RBFOX1: variants seen among roughly 807,000 people sequenced by gnomAD.
The protein encoded by RBFOX1 is RNA binding protein fox-1 homolog 1.
Under a neutral mutation model 57.7 loss-of-function variants are expected in RBFOX1, and 8 were observed. The ratio of observed to expected loss-of-function variants is 0.14; its 90% CI spans 0.08 to 0.25. RBFOX1 has a LOEUF of 0.25. RBFOX1 is among the 10% of genes least tolerant of loss of function. The probability of loss-of-function intolerance (pLI) is 1.00; values close to 1 mark genes in which losing one functional copy is unlikely to be tolerated. For missense variants in RBFOX1, 611 were observed against 548.5 expected (o/e 1.11, Z -1.14); for synonymous variants, 326 against 222.4 (o/e 1.47, Z -4.15).
chr16:7,211,409 A>AAAAAC, intron 4 of RBFOX1, among the ~76,000 whole-genome samples: 1 of 151,602 alleles, frequency 6.6e-6, no homozygotes, highest in African/African-American at 2.4e-5. Flanking sequence ...AAAAAAAAAA[A>AAAAAC]AAATTGGACT....
At chr16:6,349,462 TAATGAGGA>T (rs2085922800) in intron 2 of RBFOX1, among the ~76,000 whole-genome samples, 1 of 152,172 alleles carries the variant, frequency 6.6e-6, no homozygotes, top group Non-Finnish European at 1.5e-5. Flanking sequence ...AGAATTAAAA[TAATGAGGA>T]TCAAAGAAAG....
intron 1 of RBFOX1, among the ~76,000 whole-genome samples, chr16:5,276,162 A>G (rs2063136110): frequency 6.6e-6 from 1 of 152,222 alleles, no homozygotes; most frequent in African/African-American, 2.4e-5. Context: ...AGCAAGTGCA[A>G]TGAAAACAAA....
intron 3 of RBFOX1, among the ~76,000 whole-genome samples, chr16:7,038,975 G>C (rs911586741): frequency 6.6e-6 from 1 of 152,122 alleles, no homozygotes; most frequent in Non-Finnish European, 1.5e-5. Flanking sequence ...TCTCTCCAGT[G>C]ACTTATAGCC....
intron 3 of RBFOX1, among the ~76,000 whole-genome samples, chr16:5,840,989 A>AG (rs1427784274): frequency 6.6e-6 from 1 of 152,158 alleles, no homozygotes; most frequent in African/African-American, 2.4e-5. Flanking sequence ...CTCCTACAAC[A>AG]GGGGAATCAG....
chr16:6,731,504 GT>G (rs1283727277), intron 3 of RBFOX1, among the ~76,000 whole-genome samples: 2 of 152,122 alleles, frequency 1.3e-5, no homozygotes, highest in African/African-American at 4.8e-5. Flanking sequence ...CTGTGTCTCA[GT>G]TCTTGAGAGT....
rs143676160 is a variant in RBFOX1 at position 7,519,714 on chromosome 16, A to G, written c.270+1325A>G. The G allele has an allele frequency of 8.1e-5, 80 of 985,300 alleles. 1 individual carries two copies. The African/African-American group carries it at 1.3e-3, about 15-fold the overall frequency. 61.0% of individuals were successfully genotyped at this position (985,300 alleles called of 1,614,324 possible). A position where few individuals can be genotyped will look rare whatever the true frequency, so the allele number is the denominator to read the frequency against. ...GTCGTCTGGAACATTTTTTGAGTGT[A>G]AGGCAATTCTGCCTCTTCGTCCTGT... is the stretch of plus-strand genomic sequence containing the variant. On this transcript the variant is annotated intron_variant, in intron 5 of 15. Transcript: ENST00000550418.
intron 4 of RBFOX1, among the ~76,000 whole-genome samples, chr16:7,074,090 G>A (rs1056926178): frequency 2.0e-5 from 3 of 152,166 alleles, no homozygotes; most frequent in African/African-American, 2.4e-5. Context: ...GGCCCACAGA[G>A]CCTACAATAT....
intron 1 of RBFOX1, among the ~76,000 whole-genome samples, chr16:6,115,610 A>G (rs182086538): frequency 2.1e-4 from 32 of 152,278 alleles, no homozygotes; most frequent in African/African-American, 6.7e-4. Context: ...AATTCCAAGT[A>G]TAGCATATCT....
At chr16:7,000,072 A>AC (rs1350774011) in intron 3 of RBFOX1, among the ~76,000 whole-genome samples, 57 of 102,140 alleles carry the variant, frequency 5.6e-4, no homozygotes, top group East Asian at 4.9e-4. Context: ...TCTGTTTCAA[A>AC]GAAAAAAAAA....
chr16:5,694,816 T>G (rs2050798949), intron 3 of RBFOX1, among the ~76,000 whole-genome samples: 1 of 133,240 alleles, frequency 7.5e-6, no homozygotes, highest in South Asian at 2.4e-4. Context: ...TTTGTTTTTG[T>G]TTTGCTTGTG....
chr16:5,986,157 A>G (rs1325586485), intron 4 of RBFOX1, among the ~76,000 whole-genome samples: 2 of 150,720 alleles, frequency 1.3e-5, no homozygotes, highest in Non-Finnish European at 2.9e-5. Context: ...TCTGCCTCCC[A>G]GGTTCAAGCC....
intron 14 of RBFOX1, among the ~76,000 whole-genome samples, chr16:7,693,816 G>C (rs2077955410): frequency 6.6e-6 from 1 of 152,154 alleles, no homozygotes; most frequent in African/African-American, 2.4e-5. Flanking sequence ...AATCTATAAA[G>C]CTTAGAGGCA....
At chr16:7,631,961 G>C (rs931723666) in intron 11 of RBFOX1, among the ~76,000 whole-genome samples, 9 of 152,196 alleles carry the variant, frequency 5.9e-5, no homozygotes, top group African/African-American at 2.2e-4. Context: ...CCAGGCTGGA[G>C]TGCAGTGGTG....
At chr16:6,751,602 G>A (rs1301802644) in intron 3 of RBFOX1, among the ~76,000 whole-genome samples, 5 of 152,120 alleles carry the variant, frequency 3.3e-5, no homozygotes, top group Admixed American at 3.3e-4. Flanking sequence ...TGGGAGTTTT[G>A]AAGTTTACTT....
At chr16:5,430,981 C>T (rs1251231067) in intron 1 of RBFOX1, among the ~76,000 whole-genome samples, 2 of 152,162 alleles carry the variant, frequency 1.3e-5, no homozygotes, top group Non-Finnish European at 2.9e-5. Context: ...TGACTGGTCC[C>T]CCATCTACTG....
At chr16:6,969,275 T>A (rs765307661) in intron 3 of RBFOX1, among the ~76,000 whole-genome samples, 1 of 152,160 alleles carries the variant, frequency 6.6e-6, no homozygotes, top group Non-Finnish European at 1.5e-5. Context: ...ATTTTAAAAA[T>A]GCTTAGGCAG....
At chr16:7,255,802 T>G (rs1309338334) in intron 4 of RBFOX1, among the ~76,000 whole-genome samples, 1 of 152,236 alleles carries the variant, frequency 6.6e-6, no homozygotes. Flanking sequence ...CATTTTTTTG[T>G]GCTAAATCTT....
At chr16:6,727,639 C>T (rs2067554471) in intron 3 of RBFOX1, among the ~76,000 whole-genome samples, 1 of 152,062 alleles carries the variant, frequency 6.6e-6, no homozygotes, top group African/African-American at 2.4e-5. Flanking sequence ...ATAGGGTCTT[C>T]TACCCCCTCC....
intron 4 of RBFOX1, among the ~76,000 whole-genome samples, chr16:7,501,389 T>G (rs1281067490): frequency 6.6e-6 from 1 of 152,262 alleles, no homozygotes; most frequent in Non-Finnish European, 1.5e-5. Flanking sequence ...TCTTGGCATG[T>G]ATCATTGTTG....
Sources: gnomAD v4.1 joint callset for allele counts (sites outside exome capture counted in the v4.1 genomes callset) on GRCh38, gnomAD v4.1.1 for gene constraint, MANE v1.5 for transcripts, NCBI Gene and HGNC (gene_info 2026-07-23, HGNC 2026-07-21) for gene names.